The following FBXO4 variants were observed in gnomAD, a reference collection of about 807,000 sequenced individuals.
The protein encoded by FBXO4 is F-box protein 4, also known as F-box only protein 4.
In FBXO4, 36 loss-of-function variants were observed where a neutral mutation model predicts 43.7. The ratio of observed to expected loss-of-function variants is 0.82; its 90% CI spans 0.63 to 1.09. The LOEUF (loss-of-function observed/expected upper bound fraction) is 1.09, where lower values mean the gene tolerates loss of function less well. FBXO4 is among the 50% of genes least tolerant of loss of function. The pLI, the probability that FBXO4 is intolerant of heterozygous loss-of-function variation, is 0.00. For synonymous variants in FBXO4, 180 were observed against 165.6 expected, an observed-to-expected ratio of 1.09 and a Z score of -0.67; for missense variants, 435 against 474.1, an observed-to-expected ratio of 0.92 and a Z score of 0.77.
chr5:41,989,458 A>G, the FBXO4 span, among the ~76,000 whole-genome samples: 1 of 152,188 alleles, frequency 6.6e-6, no homozygotes, highest in Non-Finnish European at 1.5e-5. Flanking sequence ...GTTACTGTAG[A>G]GAAAGATGAG....
chr5:42,008,716 C>G, the FBXO4 span, among the ~76,000 whole-genome samples: 17 of 152,040 alleles, frequency 1.1e-4, no homozygotes, highest in African/African-American at 3.9e-4. Flanking sequence ...TTTCTAAACT[C>G]CATAAAATTT....
chr5:41,982,884 A>G, the FBXO4 span, among the ~76,000 whole-genome samples: 19 of 151,798 alleles, frequency 1.3e-4, no homozygotes, highest in African/African-American at 4.4e-4. Flanking sequence ...CACCCCCTCA[A>G]CAAGCCCTGG....
chr5:41,937,074 A>G (rs1204952125), intron 5 of FBXO4, among the ~76,000 whole-genome samples: 3 of 152,324 alleles, frequency 2.0e-5, no homozygotes, highest in South Asian at 4.1e-4. Context: ...GAGTCCCAAA[A>G]CATGAAGGGA....
chr5:42,010,738 T>C, the FBXO4 span, among the ~76,000 whole-genome samples: 15 of 152,252 alleles, frequency 9.9e-5, no homozygotes, highest in South Asian at 1.5e-3. Flanking sequence ...CACTTTATGA[T>C]AATTCTGTTT....
the FBXO4 span, among the ~76,000 whole-genome samples, chr5:42,014,396 C>G: frequency 6.6e-6 from 1 of 152,118 alleles, no homozygotes; most frequent in South Asian, 2.1e-4. Context: ...ATTGAATATG[C>G]TTTAGGAAAA....
the FBXO4 span, among the ~76,000 whole-genome samples, chr5:42,016,812 T>A: frequency 6.6e-6 from 1 of 152,058 alleles, no homozygotes; most frequent in African/African-American, 2.4e-5. Flanking sequence ...TTGGCTGTGG[T>A]TACTCAATTA....
chr5:42,015,274 G>A, the FBXO4 span, among the ~76,000 whole-genome samples: 1 of 152,240 alleles, frequency 6.6e-6, no homozygotes, highest in Non-Finnish European at 1.5e-5. Flanking sequence ...GAGATTTTGT[G>A]TGTGTGTGAG....
the FBXO4 span, among the ~76,000 whole-genome samples, chr5:42,025,686 A>G: frequency 6.6e-6 from 1 of 151,978 alleles, no homozygotes; most frequent in Non-Finnish European, 1.5e-5. Flanking sequence ...TCTTAGATTT[A>G]AGTCTTTAAT....
intron 3 of FBXO4, among the ~76,000 whole-genome samples, chr5:41,930,811 C>T (rs551435274): frequency 1.9e-4 from 29 of 152,136 alleles, no homozygotes; most frequent in Admixed American, 1.0e-3. Flanking sequence ...CCCACCACTA[C>T]GCCTGGCTAA....
At chr5:41,970,316 C>T in the FBXO4 span, among the ~76,000 whole-genome samples, 20 of 151,832 alleles carry the variant, frequency 1.3e-4, no homozygotes, top group African/African-American at 4.8e-4. Context: ...AGATTGTTTT[C>T]CAAAGAGGTG....
chr5:41,982,505 A>G, the FBXO4 span, among the ~76,000 whole-genome samples: 1 of 151,924 alleles, frequency 6.6e-6, no homozygotes, highest in Non-Finnish European at 1.5e-5. Context: ...ATTTATTTAT[A>G]TTTTTGTTAT....
the FBXO4 span, among the ~76,000 whole-genome samples, chr5:41,993,210 C>T: frequency 6.6e-6 from 1 of 152,078 alleles, no homozygotes; most frequent in South Asian, 2.1e-4. Context: ...CAAAACTCTT[C>T]TTCATGAAGC....
the FBXO4 span, chr5:41,967,264 C>T: frequency 4.2e-6 from 2 of 473,478 alleles, no homozygotes; most frequent in Non-Finnish European, 8.4e-6. Flanking sequence ...CCAACACCTC[C>T]AGAAACTGGA....
the FBXO4 span, among the ~76,000 whole-genome samples, chr5:41,950,253 GAA>G: frequency 1.3e-5 from 2 of 152,152 alleles, no homozygotes; most frequent in Non-Finnish European, 1.5e-5. Context: ...CACAGGAAAA[GAA>G]ACTATCATCA....
the FBXO4 span, among the ~76,000 whole-genome samples, chr5:42,032,264 G>T: frequency 6.6e-6 from 1 of 152,034 alleles, no homozygotes; most frequent in Admixed American, 6.6e-5. Context: ...AGGCCCTGGG[G>T]CTCTACAATA....
chr5:41,935,146 A>T (rs1043857997), intron 5 of FBXO4: 1 of 985,098 alleles, frequency 1.0e-6, no homozygotes, highest in East Asian at 1.1e-4. Flanking sequence ...TGCAGTTACA[A>T]TTGGGAACTA....
chr5:41,971,220 GTGTGTGTGTGTGTA>G, the FBXO4 span, among the ~76,000 whole-genome samples: 1 of 149,862 alleles, frequency 6.7e-6, no homozygotes, highest in Non-Finnish European at 1.5e-5. Flanking sequence ...GTGTGTGTGT[GTGTGTGTGTGTGTA>G]TGTGTGTGTG....
At chr5:41,989,434 T>TAA in the FBXO4 span, among the ~76,000 whole-genome samples, 12 of 152,270 alleles carry the variant, frequency 7.9e-5, no homozygotes, top group Middle Eastern at 3.4e-3. Flanking sequence ...TATATTCCGT[T>TAA]ACGATCTTAG....
intron 5 of FBXO4, 97 bp downstream of exon 5, chr5:41,934,405 T>A: frequency 1.0e-5 from 16 of 1,553,756 alleles, no homozygotes; most frequent in Non-Finnish European, 1.4e-5. Context: ...AAGAATATGA[T>A]GGCTTATTTT....
Sources: gnomAD v4.1 joint callset for allele counts (sites outside exome capture counted in the v4.1 genomes callset) on GRCh38, gnomAD v4.1.1 for gene constraint, MANE v1.5 for transcripts, NCBI Gene and HGNC (gene_info 2026-07-23, HGNC 2026-07-21) for gene names.